GRHL2: variants seen among roughly 807,000 people sequenced by gnomAD.
The protein encoded by GRHL2 is grainyhead like transcription factor 2.
A neutral mutation model predicts 83.8 loss-of-function variants in GRHL2; 21 were observed. The observed-to-expected ratio is 0.25, with a 90% CI of 0.18 to 0.36. GRHL2 has a LOEUF of 0.36. Ranked by LOEUF, GRHL2 falls within the 10% of genes least tolerant of loss-of-function variation. The probability of loss-of-function intolerance (pLI) is 1.00; values close to 1 mark genes in which losing one functional copy is unlikely to be tolerated. For missense variants in GRHL2, 623 were observed against 781.8 expected (o/e 0.80, Z 2.42); for synonymous variants, 280 against 278.9 (o/e 1.00, Z -0.04).
downstream of GRHL2, among the ~76,000 whole-genome samples, chr8:101,671,628 A>G (rs1814211984): frequency 6.6e-6 from 1 of 152,178 alleles, no homozygotes; most frequent in Non-Finnish European, 1.5e-5. Context: ...CAGACAAACA[A>G]AAAGACAGCA....
intron 14 of GRHL2, among the ~76,000 whole-genome samples, chr8:101,661,322 C>T (rs866745527): frequency 2.0e-5 from 3 of 152,074 alleles, no homozygotes; most frequent in Non-Finnish European, 4.4e-5. Context: ...AGTTTGGTGT[C>T]TCCATTTGGA....
intron 12 of GRHL2, among the ~76,000 whole-genome samples, chr8:101,638,598 C>A (rs1300316125): frequency 6.6e-6 from 1 of 152,152 alleles, no homozygotes; most frequent in Non-Finnish European, 1.5e-5. Flanking sequence ...AAGTTTGCCA[C>A]CTTCTATCCT....
At chr8:101,507,308 C>CT (rs1160197583) in intron 1 of GRHL2, among the ~76,000 whole-genome samples, 2 of 152,024 alleles carry the variant, frequency 1.3e-5, no homozygotes, top group Non-Finnish European at 2.9e-5. Context: ...TGTGTGAGTA[C>CT]TTTCATTCCT....
intron 1 of GRHL2, among the ~76,000 whole-genome samples, chr8:101,504,309 G>T (rs1327609428): frequency 6.6e-6 from 1 of 152,168 alleles, no homozygotes; most frequent in East Asian, 1.9e-4. Context: ...TTGCATATGT[G>T]TTAAGTCCAA....
At chr8:101,580,726 C>T (rs193226958) in intron 7 of GRHL2, among the ~76,000 whole-genome samples, 167 of 152,084 alleles carry the variant, frequency 1.1e-3, no homozygotes, top group Middle Eastern at 3.4e-3. Flanking sequence ...ATTTTTGAGA[C>T]GGCATCTTGC....
At chr8:101,609,759 T>G (rs147776393) in intron 8 of GRHL2, among the ~76,000 whole-genome samples, 2 of 151,122 alleles carry the variant, frequency 1.3e-5, no homozygotes, top group East Asian at 3.9e-4. Context: ...ATGAGGTGTA[T>G]TTGTATTTGC....
Position 101,543,682 on chromosome 8 carries a change from A to G in GRHL2, c.216+246A>G, listed in dbSNP as rs563617167. On this transcript the variant is annotated intron_variant, in intron 2 of 15. Transcript: ENST00000646743. ...TTTTTTGTGTTCCTTGTTCACATGCATAAATATTATTTGCATATTATTCTT... is the reference window on the plus strand; with the variant it reads ...TTTTTTGTGTTCCTTGTTCACATGCGTAAATATTATTTGCATATTATTCTT... The G allele has an allele frequency of 8.1e-5, 42 of 519,422 alleles. 2 individuals are homozygous for G. In the South Asian group the frequency reaches 8.5e-4, roughly 11 times the overall value. The allele number at this position is 519,422 out of a possible 1,614,324, so 32.2% of individuals were successfully genotyped here.
At chr8:101,540,639 C>T (rs1262853793) in intron 1 of GRHL2, among the ~76,000 whole-genome samples, 1 of 152,114 alleles carries the variant, frequency 6.6e-6, no homozygotes, top group East Asian at 1.9e-4. Flanking sequence ...TGACCTGACA[C>T]AAAAGCATGC....
Position 101,666,652 on chromosome 8 carries a change from C to G in GRHL2, c.1827C>G (p.Leu609=). The change falls in exon 16 of 16, where the codon CTC becomes CTG. Residue 609 remains leucine, a synonymous_variant. Coordinates refer to ENST00000646743, the MANE Select transcript of GRHL2 (RefSeq NM_024915.4). ...EHYSNEDTFI[L]NMESMVEGFK... The stretch of plus-strand genomic sequence containing the variant: ...ACTCGAACGAGGACACCTTCATCCT[C>G]AACATGGAGAGCATGGTGGAGGGCT... 6.2e-7 allele frequency: 1 copy of G among 1,613,858 alleles called. No individual in the cohort carries two copies. The highest frequency in any genetic ancestry group is 1.1e-5 in the South Asian group (1 of 91,070).
Position 101,552,589 on chromosome 8 carries a change from GC to G in GRHL2, c.217-125del, listed in dbSNP as rs1811406880. 3.6e-6 allele frequency: 3 copies of G among 831,260 alleles called. No homozygotes were observed. The East Asian group carries it at 7.7e-5, about 21-fold the overall frequency. 51.5% of individuals were successfully genotyped at this position (831,260 alleles called of 1,614,324 possible). Reference sequence around the variant, plus strand: ...TAGCCTTTATCATCTCCTGGTGATAGCAACTTTTCCACCATTTCCTGGAGAA... The same window carrying G: ...TAGCCTTTATCATCTCCTGGTGATAGAACTTTTCCACCATTTCCTGGAGAA... On this transcript the variant is annotated intron_variant, in intron 2 of 15. Coordinates refer to ENST00000646743, the MANE Select transcript of GRHL2 (RefSeq NM_024915.4).
At chr8:101,555,139 C>T (rs1349414048) in intron 3 of GRHL2, among the ~76,000 whole-genome samples, 2 of 152,222 alleles carry the variant, frequency 1.3e-5, no homozygotes, top group East Asian at 1.9e-4. Flanking sequence ...CCCAAATGGA[C>T]TCTAACTATA....
At chr8:101,496,231 T>C (rs1248875620) in intron 1 of GRHL2, among the ~76,000 whole-genome samples, 1 of 152,132 alleles carries the variant, frequency 6.6e-6, no homozygotes, top group Non-Finnish European at 1.5e-5. Flanking sequence ...TTCAGTCATT[T>C]TGTGTGTTTT....
rs188592935 is a variant in GRHL2 at position 101,566,439 on chromosome 8, G to T, written c.679-3900G>T. Among the ~76,000 whole-genome samples, 516 of 151,748 alleles carry T rather than the reference G, an allele frequency of 3.4e-3. 4 individuals carry two copies. The highest frequency in any genetic ancestry group is 6.8e-3 in the Middle Eastern group (2 of 294). ...TTGATCACTCCTCCCTCTTGCAAAT[G>T]CTCTTGGCTTCATGTCCACAGCTTC... is the stretch of plus-strand genomic sequence containing the variant. On this transcript the variant is annotated intron_variant, in intron 4 of 15. Transcript: ENST00000646743.
intron 1 of GRHL2, among the ~76,000 whole-genome samples, chr8:101,519,110 C>G (rs888863518): frequency 5.3e-5 from 8 of 151,860 alleles, no homozygotes; most frequent in Non-Finnish European, 1.2e-4. Flanking sequence ...TACTCTAATG[C>G]CTTTCACCTG....
chr8:101,656,466 G>C (rs892300545), intron 14 of GRHL2, among the ~76,000 whole-genome samples: 1 of 152,214 alleles, frequency 6.6e-6, no homozygotes, highest in Non-Finnish European at 1.5e-5. Context: ...GCCAACTTAA[G>C]TCCTCAAGCA....
intron 9 of GRHL2, among the ~76,000 whole-genome samples, chr8:101,629,926 T>G (rs1813153568): frequency 6.6e-6 from 1 of 152,142 alleles, no homozygotes; most frequent in Non-Finnish European, 1.5e-5. Context: ...ATGCCTCTTT[T>G]GCTGTGAATT....
In GRHL2 at chr8:101,644,160, G is replaced by A. The variant is rs747234583; in HGVS notation, c.1547G>A (p.Arg516Gln). The A allele has an allele frequency of 1.3e-5, 21 of 1,614,134 alleles. No individual in the cohort carries two copies. Among genetic ancestry groups the A allele is most frequent in the East Asian group, 6.7e-5 (3 of 44,882 alleles). Residue 516 changes from arginine to glutamine, a missense_variant, in exon 13 of 16, where the codon CGG becomes CAG. This residue lies in a region of GRHL2 where 210 missense variants were observed against 254.8 expected (regional missense o/e 0.82). Transcript: ENST00000646743. Reference sequence around the variant, plus strand: ...AGTGTCCTTGTTAAACGGATGTTCCGGCCCATGGAAGAGGAGTTTGGTCCA... The same window carrying A: ...AGTGTCCTTGTTAAACGGATGTTCCAGCCCATGGAAGAGGAGTTTGGTCCA... ...GGSVLVKRMF[R>Q]PMEEEFGPVP...
At chr8:101,550,189 T>A (rs1965601) in intron 2 of GRHL2, among the ~76,000 whole-genome samples, 58 of 31,486 alleles carry the variant, frequency 1.8e-3, no homozygotes, top group South Asian at 7.5e-3. Context: ...TTTTTTTTTT[T>A]TAAAAAAATT....
At chr8:101,590,851 T>C (rs908186779) in intron 7 of GRHL2, among the ~76,000 whole-genome samples, 1 of 152,200 alleles carries the variant, frequency 6.6e-6, no homozygotes, top group Non-Finnish European at 1.5e-5. Flanking sequence ...CCAGCTTCAT[T>C]ATTTCACTAG....
Sources: allele counts gnomAD v4.1 joint callset (sites outside exome capture counted in the v4.1 genomes callset), GRCh38; gene constraint gnomAD v4.1.1; regional missense constraint gnomAD v4.1.1; transcripts MANE v1.5; gene names NCBI Gene and HGNC (gene_info 2026-07-23, HGNC 2026-07-21).